The following XRRA1 variants were observed in gnomAD, a reference collection of about 807,000 sequenced individuals.
XRRA1 encodes the protein X-ray radiation resistance associated 1.
Under a neutral mutation model 80.2 loss-of-function variants are expected in XRRA1, and 69 were observed. The observed-to-expected ratio is 0.86, with a 90% CI of 0.71 to 1.05. The LOEUF (loss-of-function observed/expected upper bound fraction) is 1.05, where lower values mean the gene tolerates loss of function less well. Among genes scored for constraint, XRRA1 ranks in the 50% least tolerant of loss-of-function variants. The pLI is 0.00. For synonymous variants in XRRA1, 348 were observed against 389.9 expected (o/e 0.89, Z 1.27); for missense variants, 967 against 976.4 (o/e 0.99, Z 0.13).
In XRRA1 at chr11:74,906,222, C is replaced by T. The variant is rs368881930; in HGVS notation, c.1003+17G>A. The T allele has an allele frequency of 1.2e-5, 20 of 1,607,914 alleles. No individual in the cohort carries two copies. Among genetic ancestry groups the T allele is most frequent in the Non-Finnish European group, 1.7e-5 (20 of 1,175,690 alleles). On this transcript the variant is annotated intron_variant, in intron 10 of 18. Coordinates refer to ENST00000684022, the MANE Select transcript of XRRA1 (RefSeq NM_001378157.1). ...CACCATGAGGGTAGAATTTCTGGGA[C>T]AAGGGGTGTCACTCACCTGTCCGGT...
intron 10 of XRRA1, among the ~76,000 whole-genome samples, chr11:74,867,917 C>CTTTTTTTTTTTTTTTT (rs60520990): frequency 9.4e-6 from 1 of 106,748 alleles, no homozygotes; most frequent in Non-Finnish European, 1.8e-5. Context: ...TATAGTCAAT[C>CTTTTTTTTTTTTTTTT]TTTTTTTTTT....
At chr11:74,909,415 A>AT in intron 8 of XRRA1, among the ~76,000 whole-genome samples, 2 of 152,212 alleles carry the variant, frequency 1.3e-5, no homozygotes, top group Non-Finnish European at 2.9e-5. Context: ...TACTCTAGTG[A>AT]AATATGAAAC....
chr11:74,876,487 C>G (rs1280860446), intron 10 of XRRA1: 2 of 152,190 alleles, frequency 1.3e-5, no homozygotes, highest in African/African-American at 2.4e-5. Context: ...CAGGAATTAA[C>G]ACAACTAGCA....
rs2054540825 is a variant in XRRA1 at position 74,906,169 on chromosome 11, T to A, written c.1003+70A>T. ...TATTCACCATGACCAAGTGAGACTT[T>A]CAGAATAAACTCTCAGAAGTGTATT... On this transcript the variant is annotated intron_variant, in intron 10 of 18. Transcript: ENST00000684022. 2.4e-5 allele frequency: 35 copies of A among 1,444,564 alleles called. No homozygotes were observed. In the South Asian group the frequency reaches 4.5e-4, roughly 18 times the overall value. 89.5% of individuals were successfully genotyped at this position (1,444,564 alleles called of 1,614,324 possible). A position where few individuals can be genotyped will look rare whatever the true frequency, so the allele number is the denominator to read the frequency against.
At chr11:74,925,414 T>C (rs1184720106) in intron 7 of XRRA1, among the ~76,000 whole-genome samples, 2 of 151,504 alleles carry the variant, frequency 1.3e-5, no homozygotes. Flanking sequence ...ACCTGGCTAC[T>C]ACATCTGCTG....
intron 6 of XRRA1, among the ~76,000 whole-genome samples, chr11:74,929,487 C>T (rs1943024789): frequency 6.6e-6 from 1 of 152,118 alleles, no homozygotes; most frequent in African/African-American, 2.4e-5. Flanking sequence ...CTTTTGCCTG[C>T]AGCATTAAGT....
intron 4 of XRRA1, among the ~76,000 whole-genome samples, chr11:74,935,541 TA>T (rs1027329185): frequency 3.3e-5 from 5 of 152,214 alleles, no homozygotes; most frequent in Non-Finnish European, 7.3e-5. Context: ...AACTATCTTG[TA>T]AAAGTGCCAG....
At chr11:74,910,226 C>G (rs1261137112) in intron 8 of XRRA1, among the ~76,000 whole-genome samples, 3 of 152,098 alleles carry the variant, frequency 2.0e-5, no homozygotes, top group Admixed American at 6.5e-5. Context: ...GCTTAACAAA[C>G]TGTGTGTGTG....
intron 16 of XRRA1, 49 bp downstream of exon 16, chr11:74,845,024 G>A (rs1262861685): frequency 2.5e-6 from 4 of 1,588,418 alleles, no homozygotes; most frequent in Non-Finnish European, 3.4e-6. Flanking sequence ...CTTGCTCTGA[G>A]CTGTGGAGAT....
intron 12 of XRRA1, 25 bp downstream of exon 12, chr11:74,859,133 A>G: frequency 6.3e-7 from 1 of 1,574,906 alleles, no homozygotes; most frequent in Non-Finnish European, 8.6e-7. Flanking sequence ...GCCCCTGAGT[A>G]AACAGGAGAG....
In XRRA1 at chr11:74,906,425, TC is replaced by T. The variant is rs763551280; in HGVS notation, c.816del (p.Ile273LeufsTer17). 31 of 1,613,876 alleles carry T rather than the reference TC, an allele frequency of 1.9e-5. No individual in the cohort carries two copies. Among genetic ancestry groups the T allele is most frequent in the Non-Finnish European group, 2.6e-5 (31 of 1,179,900 alleles). On this transcript the variant is annotated frameshift_variant, in exon 10 of 19. Coordinates refer to ENST00000684022, the MANE Select transcript of XRRA1 (RefSeq NM_001378157.1). LOFTEE classifies it high-confidence loss of function. ...RLKKLSLDEN[R>X]IIRIPYLQQV... Reference sequence around the variant, plus strand: ...TGCTGTAGGTATGGGATCCTGATAATCCTGTTTTCATCCAAGCTTAACTTCT... The same window carrying T: ...TGCTGTAGGTATGGGATCCTGATAATCTGTTTTCATCCAAGCTTAACTTCT...
intron 12 of XRRA1, among the ~76,000 whole-genome samples, chr11:74,856,845 C>A (rs1443962612): frequency 6.6e-6 from 1 of 152,126 alleles, no homozygotes; most frequent in East Asian, 1.9e-4. Context: ...GATCAGCAAA[C>A]CCTGTCAGCT....
At position 74,907,280 on chromosome 11, in the gene XRRA1, G is replaced by T. The variant is rs1276956010; in HGVS notation, c.657-7C>A. 1.2e-6 allele frequency: 2 copies of T among 1,613,772 alleles called. No individual in the cohort carries two copies. The highest frequency in any genetic ancestry group is 3.3e-5 in the Admixed American group (2 of 59,974). On this transcript the variant is annotated splice_region_variant and splice_polypyrimidine_tract_variant and intron_variant, in intron 8 of 18. Transcript: ENST00000684022. ...CGATGTTACAGATGCCTCCCTGTGA[G>T]TGCAAAGATCTTGGGTAATGAGCAA...
chr11:74,948,185 T>C (rs965347222), intron 1 of XRRA1, among the ~76,000 whole-genome samples: 1 of 152,214 alleles, frequency 6.6e-6, no homozygotes, highest in African/African-American at 2.4e-5. Context: ...TAAAAAACAA[T>C]ACAACGTAAT....
chr11:74,846,804 G>A (rs897365515), intron 15 of XRRA1, among the ~76,000 whole-genome samples: 1 of 152,042 alleles, frequency 6.6e-6, no homozygotes, highest in African/African-American at 2.4e-5. Flanking sequence ...AATGGTGAAA[G>A]ACTGAATGCT....
At chr11:74,922,616 A>G (rs1300121059) in intron 7 of XRRA1, among the ~76,000 whole-genome samples, 4 of 152,156 alleles carry the variant, frequency 2.6e-5, no homozygotes, top group Admixed American at 1.3e-4. Context: ...AACTTATTCA[A>G]TTGGTACAGG....
chr11:74,918,761 A>G (rs545560977), intron 8 of XRRA1: 4 of 152,360 alleles, frequency 2.6e-5, no homozygotes, highest in African/African-American at 9.6e-5. Flanking sequence ...AATAGAAGGG[A>G]TTCATGAGAG....
intron 4 of XRRA1, among the ~76,000 whole-genome samples, chr11:74,935,927 A>G (rs1164048716): frequency 6.6e-6 from 1 of 152,226 alleles, no homozygotes; most frequent in Non-Finnish European, 1.5e-5. Context: ...GCCCCTCCTC[A>G]GTATAATTAT....
At chr11:74,858,667 C>T (rs142337134) in intron 12 of XRRA1, among the ~76,000 whole-genome samples, 86 of 152,288 alleles carry the variant, frequency 5.6e-4, no homozygotes, top group Non-Finnish European at 1.1e-3. Context: ...TCACTTGACT[C>T]ACCCCTCTTC....
Sources: gnomAD v4.1 joint callset for allele counts (sites outside exome capture counted in the v4.1 genomes callset) on GRCh38, gnomAD v4.1.1 for gene constraint, MANE v1.5 for transcripts, NCBI Gene and HGNC (gene_info 2026-07-23, HGNC 2026-07-21) for gene names.